UBR3: variants seen among roughly 807,000 people sequenced by gnomAD.
The protein encoded by UBR3 is E3 ubiquitin-protein ligase UBR3.
UBR3 carries 85 observed loss-of-function variants against 243.2 expected under a neutral mutation model. The ratio of observed to expected loss-of-function variants is 0.35; its 90% CI spans 0.29 to 0.42. The LOEUF (loss-of-function observed/expected upper bound fraction) is 0.42, where lower values mean the gene tolerates loss of function less well. UBR3 is among the 10% of genes least tolerant of loss of function. UBR3 has a pLI of 1.00. For synonymous variants in UBR3, 748 were observed against 799.8 expected (o/e 0.94, Z 1.09); for missense variants, 1,686 against 2,300.8 (o/e 0.73, Z 5.47).
At chr2:170,009,972 G>T (rs1164289307) in intron 29 of UBR3, among the ~76,000 whole-genome samples, 1 of 152,122 alleles carries the variant, frequency 6.6e-6, no homozygotes, top group Non-Finnish European at 1.5e-5. Context: ...AGGAGAAATG[G>T]AACCAGATTT....
chr2:170,054,691 G>A (rs1003329391), intron 32 of UBR3, among the ~76,000 whole-genome samples: 2 of 152,066 alleles, frequency 1.3e-5, no homozygotes, highest in East Asian at 3.9e-4. Flanking sequence ...TAAACATCAA[G>A]ATTTTTTTTA....
intron 24 of UBR3, among the ~76,000 whole-genome samples, chr2:169,975,885 CATATAT>C (rs3083011): frequency 0.43 from 64,102 of 150,482 alleles, 15,066 homozygotes; most frequent in Non-Finnish European, 0.54. Flanking sequence ...CAATTAAAAA[CATATAT>C]ATATATATAT....
At chr2:169,977,269 A>G (rs2088492566) in intron 24 of UBR3, among the ~76,000 whole-genome samples, 2 of 152,144 alleles carry the variant, frequency 1.3e-5, no homozygotes, top group Admixed American at 1.3e-4. Context: ...GAAGTTCAAA[A>G]TCTATATTAG....
At chr2:170,042,799 T>C (rs1388234317) in intron 32 of UBR3, among the ~76,000 whole-genome samples, 4 of 150,954 alleles carry the variant, frequency 2.6e-5, no homozygotes, top group African/African-American at 7.3e-5. Flanking sequence ...CTTCTTCAGG[T>C]AATTATATAT....
At chr2:170,072,116 T>C (rs1031139323) in intron 35 of UBR3, among the ~76,000 whole-genome samples, 45 of 152,092 alleles carry the variant, frequency 3.0e-4, no homozygotes, top group African/African-American at 1.0e-3. Flanking sequence ...TAAAGACATA[T>C]GCACACATAT....
intron 3 of UBR3, 40 bp downstream of exon 3, chr2:169,875,989 T>A: frequency 4.3e-6 from 6 of 1,391,048 alleles, no homozygotes; most frequent in Non-Finnish European, 4.7e-6. Flanking sequence ...TTTTCATATC[T>A]TACTATAATG....
intron 38 of UBR3, among the ~76,000 whole-genome samples, chr2:170,081,237 G>A (rs1478089464): frequency 1.3e-5 from 2 of 151,924 alleles, no homozygotes; most frequent in African/African-American, 4.8e-5. Context: ...GGTGGCTCAC[G>A]CCTGTAATCC....
At chr2:170,066,297 G>T (rs2091565396) in intron 35 of UBR3, among the ~76,000 whole-genome samples, 2 of 152,128 alleles carry the variant, frequency 1.3e-5, no homozygotes, top group Non-Finnish European at 2.9e-5. Flanking sequence ...CTACCACCAT[G>T]TTAGGACTAA....
chr2:169,927,554 A>T, intron 17 of UBR3, 149 bp downstream of exon 17: 2 of 580,424 alleles, frequency 3.4e-6, no homozygotes, highest in Non-Finnish European at 2.9e-6. Flanking sequence ...GTGCTCAAGT[A>T]TGTATTCAAG....
At chr2:169,934,008 C>T (rs2086234626) in intron 19 of UBR3, among the ~76,000 whole-genome samples, 1 of 152,096 alleles carries the variant, frequency 6.6e-6, no homozygotes. Context: ...TCTTTTTCTG[C>T]TTTTCATATA....
intron 24 of UBR3, among the ~76,000 whole-genome samples, chr2:169,969,263 A>G (rs1159331112): frequency 2.0e-5 from 3 of 152,104 alleles, no homozygotes; most frequent in Non-Finnish European, 2.9e-5. Flanking sequence ...AAAAATCTTT[A>G]CTCAGACCAA....
At chr2:169,860,058 T>TATCTTCTATTTCCATCATTATGC (rs1189545728) in intron 1 of UBR3, among the ~76,000 whole-genome samples, 3 of 152,206 alleles carry the variant, frequency 2.0e-5, no homozygotes, top group Admixed American at 6.5e-5. Context: ...TTCTATTATA[T>TATCTTCTATTTCCATCATTATGC]ATCTTCTATT....
In UBR3 at chr2:170,029,448, A is replaced by T. The variant is rs767768413; in HGVS notation, c.4556A>T (p.Gln1519Leu). The change falls in exon 31 of 39, where the codon CAG becomes CTG. Residue 1519 changes from glutamine to leucine, a missense_variant and splice_region_variant. By Grantham distance (113) the Gln-to-Leu change is moderately radical. Coordinates refer to ENST00000272793, the MANE Select transcript of UBR3 (RefSeq NM_172070.4). The part of the protein sequence containing the change: ...KLTQLEEMNP[Q>L]LGYEEQQPEV... ...ACCCAGTTAGAAGAGATGAATCCAC[A>T]GTAAGTATAATTGAAAGACTAAAAT... The T allele has an allele frequency of 2.5e-6, 4 of 1,600,268 alleles. No homozygotes were observed. The East Asian group carries it at 9.0e-5, about 36-fold the overall frequency.
At chr2:169,828,086 C>G in intron 1 of UBR3, 34 bp downstream of exon 1, 3 of 1,350,780 alleles carry the variant, frequency 2.2e-6, no homozygotes, top group Non-Finnish European at 2.9e-6. Flanking sequence ...CGAGGCGACC[C>G]TGGGCCGGGG....
chr2:170,076,526 C>T (rs989703510), intron 36 of UBR3, among the ~76,000 whole-genome samples: 1 of 152,200 alleles, frequency 6.6e-6, no homozygotes, highest in East Asian at 1.9e-4. Flanking sequence ...CATTTGTACT[C>T]ACACCCAGAT....
intron 8 of UBR3, among the ~76,000 whole-genome samples, chr2:169,900,575 G>A (rs1014995978): frequency 1.3e-5 from 2 of 152,078 alleles, no homozygotes; most frequent in African/African-American, 4.8e-5. Flanking sequence ...CGGCAAAATG[G>A]TGTTTTAAAT....
chr2:170,004,793 C>A (rs2089848380), intron 27 of UBR3, among the ~76,000 whole-genome samples: 1 of 152,026 alleles, frequency 6.6e-6, no homozygotes, highest in South Asian at 2.1e-4. Flanking sequence ...TGCCTGTAAT[C>A]CCACCTACTC....
chr2:169,971,199 G>T (rs2088124073), intron 24 of UBR3, among the ~76,000 whole-genome samples: 1 of 150,146 alleles, frequency 6.7e-6, no homozygotes, highest in African/African-American at 2.4e-5. Context: ...GAATTTGTTT[G>T]AGTTCATGGT....
intron 3 of UBR3, among the ~76,000 whole-genome samples, 195 bp downstream of exon 3, chr2:169,876,144 C>T (rs1317474217): frequency 4.1e-5 from 6 of 145,500 alleles, no homozygotes; most frequent in African/African-American, 1.3e-4. Context: ...AGTGCAGTGG[C>T]GCAATCTCGG....
Sources: allele counts gnomAD v4.1 joint callset (sites outside exome capture counted in the v4.1 genomes callset), GRCh38; gene constraint gnomAD v4.1.1; transcripts MANE v1.5; gene names NCBI Gene and HGNC (gene_info 2026-07-23, HGNC 2026-07-21).